SLC16A7: variants seen among roughly 807,000 people sequenced by gnomAD.
SLC16A7 encodes the protein monocarboxylate transporter 2.
A neutral mutation model predicts 34.9 loss-of-function variants in SLC16A7; 33 were observed. The observed-to-expected ratio is 0.94, with a 90% CI of 0.72 to 1.26. The LOEUF is 1.26. SLC16A7 is among the 50% of genes most tolerant of loss of function. The probability of loss-of-function intolerance (pLI) is 0.00; values close to 1 mark genes in which losing one functional copy is unlikely to be tolerated. For missense variants in SLC16A7, 573 were observed against 578.1 expected, an observed-to-expected ratio of 0.99 and a Z score of 0.09; for synonymous variants, 201 against 206.6, an observed-to-expected ratio of 0.97 and a Z score of 0.23.
chr12:59,612,805 A>G (rs954677732), intron 1 of SLC16A7, among the ~76,000 whole-genome samples: 5 of 152,142 alleles, frequency 3.3e-5, no homozygotes, highest in Admixed American at 3.3e-4. Flanking sequence ...AGTTCCCAAA[A>G]AGTTCCTCAT....
In SLC16A7 at chr12:59,686,751, C is replaced by T. The variant is rs191059906; in HGVS notation, c.-30-18021C>T. Among the ~76,000 whole-genome samples, 3 of 152,158 alleles carry T rather than the reference C, an allele frequency of 2.0e-5. No homozygotes were observed. In the East Asian group the frequency reaches 5.8e-4, roughly 29 times the overall value. ...ATTGATCTCTTTTCCCTGCTACATT[C>T]CCGACTATTTTTTTAAACTGAAAAG... On this transcript the variant is annotated intron_variant, in intron 2 of 5. Coordinates refer to ENST00000547379, the MANE Select transcript of SLC16A7 (RefSeq NM_001270623.2).
At chr12:59,686,809 G>A (rs972932055) in intron 2 of SLC16A7, among the ~76,000 whole-genome samples, 6 of 151,834 alleles carry the variant, frequency 4.0e-5, no homozygotes. Flanking sequence ...CCTTCAAAAA[G>A]ATTTTAAGAG....
chr12:59,783,323 C>T lies in SLC16A7; in HGVS notation c.*3644C>T, dbSNP rs1176389834. ...ATGTAATGCCTTTCAATATGAAAACCAAAACCATGGCAGAATTATTACTAG... is the reference window on the plus strand; with the variant it reads ...ATGTAATGCCTTTCAATATGAAAACTAAAACCATGGCAGAATTATTACTAG... On this transcript the variant is annotated 3_prime_UTR_variant, in exon 6 of 6. Transcript: ENST00000547379. 1 of 151,958 alleles carries T rather than the reference C, an allele frequency of 6.6e-6. No individual in the cohort carries two copies. Among genetic ancestry groups the T allele is most frequent in the African/African-American group, 2.4e-5 (1 of 41,376 alleles). The allele number at this position is 151,958 out of a possible 1,614,324, so 9.4% of individuals were successfully genotyped here. A position where few individuals can be genotyped will look rare whatever the true frequency, so the allele number is the denominator to read the frequency against.
chr12:59,597,160 C>T (rs1225318545), intron 1 of SLC16A7: 16 of 152,312 alleles, frequency 1.1e-4, no homozygotes, highest in African/African-American at 3.9e-4. Context: ...TGCCCAGTGC[C>T]ACTTTCCCGG....
intron 4 of SLC16A7, among the ~76,000 whole-genome samples, chr12:59,772,162 A>G (rs892034640): frequency 6.6e-6 from 1 of 152,190 alleles, no homozygotes. Flanking sequence ...AAAGGCAAAC[A>G]TATTTACACT....
intron 2 of SLC16A7, among the ~76,000 whole-genome samples, chr12:59,676,863 A>G (rs985151901): frequency 5.3e-5 from 8 of 152,140 alleles, no homozygotes; most frequent in African/African-American, 1.9e-4. Flanking sequence ...AATGCAAAAG[A>G]TTTTAAGTAA....
chr12:59,676,576 C>A (rs1282041046), intron 2 of SLC16A7, among the ~76,000 whole-genome samples: 1 of 151,998 alleles, frequency 6.6e-6, no homozygotes, highest in Non-Finnish European at 1.5e-5. Context: ...CCCCCACTAA[C>A]AAAGTTTAAT....
chr12:59,667,849 G>A (rs1167189643), intron 2 of SLC16A7, among the ~76,000 whole-genome samples: 5 of 152,178 alleles, frequency 3.3e-5, no homozygotes, highest in Non-Finnish European at 4.4e-5. Context: ...GACGGGGTCC[G>A]TGCCCCCTCC....
chr12:59,717,025 C>A (rs1051342235), intron 3 of SLC16A7, among the ~76,000 whole-genome samples: 2 of 152,080 alleles, frequency 1.3e-5, no homozygotes, highest in African/African-American at 4.8e-5. Flanking sequence ...GTTTTGGCAA[C>A]GGCAGCTGTA....
At chr12:59,709,404 A>G (rs921343562) in intron 3 of SLC16A7, among the ~76,000 whole-genome samples, 18 of 151,578 alleles carry the variant, frequency 1.2e-4, no homozygotes, top group African/African-American at 4.4e-4. Flanking sequence ...ATTTTACTGG[A>G]GGCCGAGAAG....
At chr12:59,636,315 A>C (rs1165245703) in intron 1 of SLC16A7, among the ~76,000 whole-genome samples, 2 of 152,154 alleles carry the variant, frequency 1.3e-5, no homozygotes, top group East Asian at 3.9e-4. Flanking sequence ...TCATCATTGA[A>C]AATTGAAGTT....
chr12:59,754,723 T>C (rs1592649240), intron 3 of SLC16A7, among the ~76,000 whole-genome samples: 1 of 152,198 alleles, frequency 6.6e-6, no homozygotes, highest in South Asian at 2.1e-4. Context: ...TTCCAATCAA[T>C]ACAAAAAGAG....
intron 1 of SLC16A7, among the ~76,000 whole-genome samples, chr12:59,648,868 G>T (rs1868295196): frequency 6.6e-6 from 1 of 152,130 alleles, no homozygotes. Flanking sequence ...GAATTCTATG[G>T]ATAGATTATT....
intron 3 of SLC16A7, among the ~76,000 whole-genome samples, chr12:59,757,277 TA>T (rs1224404950): frequency 2.0e-5 from 3 of 150,816 alleles, no homozygotes; most frequent in Admixed American, 1.3e-4. Flanking sequence ...TAAAATAAAA[TA>T]AAAAAAGAAG....
At chr12:59,686,481 A>T (rs1001445981) in intron 2 of SLC16A7, among the ~76,000 whole-genome samples, 1 of 152,094 alleles carries the variant, frequency 6.6e-6, no homozygotes, top group Non-Finnish European at 1.5e-5. Flanking sequence ...CACATAAAGC[A>T]AGTTACTGGA....
chr12:59,697,975 T>C lies in SLC16A7; in HGVS notation c.-30-6797T>C, dbSNP rs1592519959. Among the ~76,000 whole-genome samples, 4 of 151,920 alleles carry C rather than the reference T, an allele frequency of 2.6e-5. No individual in the cohort carries two copies. In the Middle Eastern group the frequency reaches 0.014, roughly 517 times the overall value. On this transcript the variant is annotated intron_variant, in intron 2 of 5. Coordinates refer to ENST00000547379, the MANE Select transcript of SLC16A7 (RefSeq NM_001270623.2). ...AGAACTTGGGGTACAATAATTGACT[T>C]GTTATCTTAGACTCTGATGGGAAAG... is the stretch of plus-strand genomic sequence containing the variant.
intron 2 of SLC16A7, among the ~76,000 whole-genome samples, chr12:59,679,828 C>G (rs956763950): frequency 6.6e-6 from 1 of 151,930 alleles, no homozygotes; most frequent in African/African-American, 2.4e-5. Context: ...ATCATAAGGG[C>G]AAAATTAGAA....
chr12:59,742,018 T>C (rs1459306213), intron 3 of SLC16A7, among the ~76,000 whole-genome samples: 3 of 152,106 alleles, frequency 2.0e-5, no homozygotes, highest in Non-Finnish European at 4.4e-5. Context: ...AGCGGGTGAT[T>C]TGGGGTGTTT....
chr12:59,704,066 G>T (rs1253424990), intron 2 of SLC16A7, among the ~76,000 whole-genome samples: 6 of 151,208 alleles, frequency 4.0e-5, no homozygotes. Flanking sequence ...GCCGGGCATG[G>T]TGGCGCCTGC....
Sources: gnomAD v4.1 joint callset for allele counts (sites outside exome capture counted in the v4.1 genomes callset) on GRCh38, gnomAD v4.1.1 for gene constraint, MANE v1.5 for transcripts, NCBI Gene and HGNC (gene_info 2026-07-23, HGNC 2026-07-21) for gene names.